SNX14: variants seen among roughly 807,000 people sequenced by gnomAD.
SNX14 encodes the protein sorting nexin 14, also known as sorting nexin-14.
In SNX14, 93 loss-of-function variants were observed where a neutral mutation model predicts 133.8. The observed-to-expected ratio is 0.70, with a 90% CI of 0.59 to 0.83. SNX14 has a LOEUF of 0.83. Ranked by LOEUF, SNX14 falls within the 40% of genes least tolerant of loss-of-function variation. The pLI, the probability that SNX14 is intolerant of heterozygous loss-of-function variation, is 0.00. For synonymous variants in SNX14, 368 were observed against 365.6 expected, an observed-to-expected ratio of 1.01 and a Z score of -0.07; for missense variants, 945 against 1,094.9, an observed-to-expected ratio of 0.86 and a Z score of 1.93.
rs902654763 is a variant in SNX14, at chr6:85,556,245, T to C, written c.634+1731A>G. Reference sequence around the variant, plus strand: ...CCTATACGTTCTTCTGACAGTAAAGTAGCCTTTACAACACAACAATTAAGT... The same window carrying C: ...CCTATACGTTCTTCTGACAGTAAAGCAGCCTTTACAACACAACAATTAAGT... On this transcript the variant is annotated intron_variant, in intron 7 of 28. Transcript: ENST00000314673. Among the ~76,000 whole-genome samples the C allele has an allele frequency of 9.2e-5, 14 of 151,948 alleles. No individual in the cohort carries two copies. In the South Asian group the frequency reaches 2.9e-3, roughly 32 times the overall value.
chr6:85,517,312 G>C (rs1343329518), intron 23 of SNX14, among the ~76,000 whole-genome samples: 1 of 152,162 alleles, frequency 6.6e-6, no homozygotes, highest in Non-Finnish European at 1.5e-5. Context: ...TGAGGACAAG[G>C]AATGTATCCT....
chr6:85,568,579 G>A (rs1411216476), intron 4 of SNX14: 2 of 152,200 alleles, frequency 1.3e-5, no homozygotes, highest in African/African-American at 4.8e-5. Flanking sequence ...TCTTGGATTT[G>A]GGTGTCGCAG....
At chr6:85,506,209 C>T (rs1051045365) in intron 28 of SNX14, among the ~76,000 whole-genome samples, 1 of 152,092 alleles carries the variant, frequency 6.6e-6, no homozygotes, top group Non-Finnish European at 1.5e-5. Flanking sequence ...GTTATGAAGT[C>T]TCAAACAGAG....
chr6:85,528,653 A>AT (rs1441417294), intron 19 of SNX14, among the ~76,000 whole-genome samples: 7 of 152,254 alleles, frequency 4.6e-5, no homozygotes, highest in South Asian at 2.1e-4. Context: ...TTATTATGAG[A>AT]TTTTTTTGAA....
At chr6:85,533,908 A>G in intron 17 of SNX14, 108 bp from the exon 18 acceptor site, 2 of 846,518 alleles carry the variant, frequency 2.4e-6, no homozygotes, top group South Asian at 3.8e-5. Context: ...ATAATTTTTA[A>G]GACCCTGAAA....
intron 15 of SNX14, among the ~76,000 whole-genome samples, chr6:85,540,570 A>G (rs1020489830): frequency 1.3e-5 from 2 of 152,240 alleles, no homozygotes; most frequent in African/African-American, 4.8e-5. Flanking sequence ...AAAAGTTACA[A>G]AGTGGTATTT....
In SNX14 at chr6:85,574,279, G is replaced by A; in HGVS notation, c.240C>T (p.Phe80=). ...TTACCTTGGGTTTGTATTTTATTGT[G>A]AAGAATATATTTGGTAAGAGAGAAT... The part of the protein sequence containing the change: ...GPDSLLPNIF[F]TIKYKPKQLG... Residue 80 remains phenylalanine (F), a synonymous_variant, in exon 2 of 29, where the codon TTC becomes TTT. Transcript: ENST00000314673. 1 of 1,588,854 alleles carries A rather than the reference G, an allele frequency of 6.3e-7. No homozygotes were observed. The highest frequency in any genetic ancestry group is 8.6e-7 in the Non-Finnish European group (1 of 1,162,566).
At chr6:85,521,302 T>C (rs1211380831) in intron 21 of SNX14, among the ~76,000 whole-genome samples, 2 of 152,162 alleles carry the variant, frequency 1.3e-5, no homozygotes, top group Non-Finnish European at 2.9e-5. Context: ...GGTGTGCTCA[T>C]AGCTCACTGT....
At chr6:85,512,339 G>T (rs760456151) in intron 26 of SNX14, among the ~76,000 whole-genome samples, 3 of 152,082 alleles carry the variant, frequency 2.0e-5, no homozygotes, top group Admixed American at 6.6e-5. Flanking sequence ...AAGTGTGGAT[G>T]GGCTGGGCAC....
intron 12 of SNX14, among the ~76,000 whole-genome samples, chr6:85,546,420 G>T (rs566201096): frequency 1.8e-4 from 27 of 151,992 alleles, no homozygotes; most frequent in Non-Finnish European, 1.6e-4. Context: ...AATCTATAAT[G>T]CTACAGAGCT....
At chr6:85,576,478 T>C (rs1012508824) in intron 1 of SNX14, among the ~76,000 whole-genome samples, 6 of 152,100 alleles carry the variant, frequency 3.9e-5, no homozygotes, top group Non-Finnish European at 8.8e-5. Context: ...GACAACCTAG[T>C]GAGTAACAGG....
At chr6:85,532,264 C>T (rs1366977055) in intron 18 of SNX14, among the ~76,000 whole-genome samples, 1 of 152,158 alleles carries the variant, frequency 6.6e-6, no homozygotes, top group African/African-American at 2.4e-5. Context: ...AGCTGTCCAC[C>T]TGTCAGAATG....
chr6:85,585,378 G>A (rs899048853), intron 1 of SNX14, among the ~76,000 whole-genome samples: 3 of 151,232 alleles, frequency 2.0e-5, no homozygotes, highest in Non-Finnish European at 4.4e-5. Flanking sequence ...AGAACTTAAA[G>A]TATAATTAAA....
At chr6:85,566,710 A>G (rs1793972189) in intron 5 of SNX14, among the ~76,000 whole-genome samples, 1 of 151,978 alleles carries the variant, frequency 6.6e-6, no homozygotes, top group Admixed American at 6.6e-5. Flanking sequence ...AGAAAAAAAA[A>G]AGAAAGAAAA....
In SNX14 at chr6:85,559,654, T is replaced by A. The variant is rs149523042; in HGVS notation, c.550-1594A>T. On this transcript the variant is annotated intron_variant, in intron 6 of 28. Coordinates refer to ENST00000314673, the MANE Select transcript of SNX14 (RefSeq NM_153816.6). ...ACAAAGTTAATACCTTTCTATAAAA[T>A]GAATATAATAATGACCCATTTATCT... is the stretch of plus-strand genomic sequence containing the variant. Among the ~76,000 whole-genome samples the A allele has an allele frequency of 3.1e-3, 471 of 152,294 alleles. 1 individual carries two copies. Among genetic ancestry groups the A allele is most frequent in the African/African-American group, 0.011 (446 of 41,546 alleles).
intron 17 of SNX14, among the ~76,000 whole-genome samples, chr6:85,535,559 C>G (rs557835660): frequency 7.4e-6 from 1 of 134,634 alleles, no homozygotes; most frequent in Non-Finnish European, 1.5e-5. Context: ...GAGCTGAGAT[C>G]GTGCCATTGC....
At chr6:85,572,486 AT>A (rs1299086583) in intron 2 of SNX14, 112 bp from the exon 3 acceptor site, 2 of 799,322 alleles carry the variant, frequency 2.5e-6, no homozygotes, top group Admixed American at 2.7e-5. Context: ...TTCAAAGAAC[AT>A]TTTTTGTCTA....
intron 25 of SNX14, 66 bp from the exon 26 acceptor site, chr6:85,513,961 T>C (rs1360043599): frequency 2.6e-6 from 4 of 1,550,948 alleles, no homozygotes; most frequent in East Asian, 2.2e-5. Context: ...GATTTCCTCA[T>C]AGTAGAAATA....
intron 6 of SNX14, among the ~76,000 whole-genome samples, chr6:85,559,075 A>C (rs1790712846): frequency 6.6e-6 from 1 of 152,188 alleles, no homozygotes; most frequent in African/African-American, 2.4e-5. Flanking sequence ...ATTCCATCAC[A>C]ACAGTGTTAA....
Sources: gnomAD v4.1 joint callset for allele counts (sites outside exome capture counted in the v4.1 genomes callset) on GRCh38, gnomAD v4.1.1 for gene constraint, MANE v1.5 for transcripts, NCBI Gene and HGNC (gene_info 2026-07-23, HGNC 2026-07-21) for gene names.